Variants in MRTFA observed in about 807,000 individuals in gnomAD.
MRTFA encodes myocardin related transcription factor A.
Under a neutral mutation model 83.5 loss-of-function variants are expected in MRTFA, and 20 were observed. That is an observed-to-expected ratio of 0.24 (90% CI 0.17 to 0.35). The LOEUF is 0.35. Among genes scored for constraint, MRTFA ranks in the 10% least tolerant of loss-of-function variants. The pLI, the probability that MRTFA is intolerant of heterozygous loss-of-function variation, is 1.00. For missense variants in MRTFA, 1,200 were observed against 1,224.7 expected, an observed-to-expected ratio of 0.98 and a Z score of 0.30; for synonymous variants, 659 against 541.2, an observed-to-expected ratio of 1.22 and a Z score of -3.02.
At chr22:40,584,407 A>G (rs1465305540) in intron 2 of MRTFA, among the ~76,000 whole-genome samples, 1 of 152,204 alleles carries the variant, frequency 6.6e-6, no homozygotes, top group Non-Finnish European at 1.5e-5. Context: ...GAGGATTCTG[A>G]GCTGTCTGGC....
chr22:40,628,339 C>G (rs2056603908), intron 1 of MRTFA, among the ~76,000 whole-genome samples: 1 of 152,186 alleles, frequency 6.6e-6, no homozygotes, highest in Admixed American at 6.5e-5. Flanking sequence ...ATATTTTACT[C>G]TGTCATATTA....
chr22:40,564,281 T>C (rs745494464), intron 2 of MRTFA, among the ~76,000 whole-genome samples: 5 of 152,098 alleles, frequency 3.3e-5, no homozygotes, highest in Non-Finnish European at 7.3e-5. Flanking sequence ...AGAAAAATAA[T>C]GGAAATGTCA....
chr22:40,533,604 A>G, intron 3 of MRTFA: 5 of 1,230,250 alleles, frequency 4.1e-6, no homozygotes, highest in Non-Finnish European at 5.1e-6. Flanking sequence ...CTGTACTGCC[A>G]TCATTAACAT....
chr22:40,611,237 C>G lies in MRTFA; in HGVS notation c.-83-16502G>C, dbSNP rs1044376023. On this transcript the variant is annotated intron_variant, in intron 1 of 14. Coordinates refer to ENST00000355630, the MANE Select transcript of MRTFA (RefSeq NM_020831.6). ...TACAGGCGTGAGCCACTGCGCCCAGCCTATTTTTACTTTTTATTTTTAGAG... is the reference window on the plus strand; with the variant it reads ...TACAGGCGTGAGCCACTGCGCCCAGGCTATTTTTACTTTTTATTTTTAGAG... Among the ~76,000 whole-genome samples the G allele has an allele frequency of 7.9e-5, 12 of 152,028 alleles. No homozygotes were observed. In the East Asian group the frequency reaches 2.3e-3, roughly 29 times the overall value.
chr22:40,594,544 T>A (rs2056164410), intron 2 of MRTFA, 130 bp downstream of exon 2: 2 of 150,706 alleles, frequency 1.3e-5, no homozygotes, highest in South Asian at 4.2e-4. Context: ...GCACGATGAG[T>A]GAGACTGAAA....
intron 4 of MRTFA, among the ~76,000 whole-genome samples, chr22:40,441,831 T>TATAC (rs1555969039): frequency 2.0e-3 from 298 of 147,950 alleles, no homozygotes; most frequent in African/African-American, 6.5e-3. Flanking sequence ...TATATATATA[T>TATAC]ACACACACAC....
At chr22:40,599,888 G>A (rs1354941760) in intron 1 of MRTFA, among the ~76,000 whole-genome samples, 1 of 147,058 alleles carries the variant, frequency 6.8e-6, no homozygotes, top group Non-Finnish European at 1.5e-5. Context: ...GACAGAGTGA[G>A]ACACGCTGTG....
At position 40,418,561 on chromosome 22, in the gene MRTFA, T is replaced by G; in HGVS notation, c.2177A>C (p.Glu726Ala). 6.4e-7 allele frequency: 1 copy of G among 1,567,550 alleles called. No individual in the cohort carries two copies. ...CGGCTCGGGCTCAGGCTGCAAGGCT[T>G]CCTGCTTCACCACCACGGACGGGGG... is the stretch of plus-strand genomic sequence containing the variant. The change falls in exon 12 of 15, where the codon GAA (glutamate) becomes GCA (alanine). Residue 726 changes from glutamate (E) to alanine (A), a missense_variant. Glu to Ala is a moderately radical substitution (Grantham distance 107). This residue lies in a region of MRTFA where 1,107 missense variants were observed against 1,041.8 expected (regional missense o/e 1.06). Transcript: ENST00000355630.
At chr22:40,626,500 C>G (rs1035550051) in intron 1 of MRTFA, among the ~76,000 whole-genome samples, 4 of 152,098 alleles carry the variant, frequency 2.6e-5, no homozygotes, top group African/African-American at 9.7e-5. Flanking sequence ...GCCATGTTAT[C>G]TAGGCTGGTC....
intron 3 of MRTFA, among the ~76,000 whole-genome samples, chr22:40,507,203 T>C (rs1433186291): frequency 1.3e-5 from 2 of 151,800 alleles, no homozygotes; most frequent in Non-Finnish European, 2.9e-5. Flanking sequence ...CTACAAAAAA[T>C]ACAAAAAATT....
chr22:40,603,844 C>T (rs1021418413), intron 1 of MRTFA, among the ~76,000 whole-genome samples: 14 of 150,798 alleles, frequency 9.3e-5, no homozygotes, highest in Admixed American at 9.3e-4. Flanking sequence ...AACTCCTGGG[C>T]TCAAGTGATC....
At chr22:40,609,290 C>CAAA (rs56048331) in intron 1 of MRTFA, among the ~76,000 whole-genome samples, 1 of 92,608 alleles carries the variant, frequency 1.1e-5, no homozygotes, top group Non-Finnish European at 2.3e-5. Context: ...GACTCCTTCT[C>CAAA]AAAAAAAAAA....
At chr22:40,518,774 G>A (rs1340961262) in intron 3 of MRTFA, among the ~76,000 whole-genome samples, 5 of 113,416 alleles carry the variant, frequency 4.4e-5, no homozygotes, top group Admixed American at 1.2e-4. Context: ...CAGCCTGGGC[G>A]ACAGAGTGAG....
chr22:40,579,611 A>T (rs962287350), intron 2 of MRTFA, among the ~76,000 whole-genome samples: 1 of 152,044 alleles, frequency 6.6e-6, no homozygotes, highest in Non-Finnish European at 1.5e-5. Flanking sequence ...TGTAATCCCA[A>T]CACTTTAGGA....
intron 4 of MRTFA, among the ~76,000 whole-genome samples, chr22:40,438,245 T>C (rs2053208690): frequency 6.6e-6 from 1 of 152,186 alleles, no homozygotes; most frequent in Non-Finnish European, 1.5e-5. Flanking sequence ...GAAACACCAG[T>C]GAGAGTGCCC....
intron 14 of MRTFA, among the ~76,000 whole-genome samples, chr22:40,414,235 C>T (rs555881520): frequency 8.5e-5 from 13 of 152,174 alleles, no homozygotes; most frequent in Admixed American, 5.9e-4. Flanking sequence ...CCCGGCTACT[C>T]GAGAAGCTGA....
chr22:40,456,046 C>A (rs1429796632), intron 4 of MRTFA, among the ~76,000 whole-genome samples: 1 of 152,000 alleles, frequency 6.6e-6, no homozygotes, highest in Non-Finnish European at 1.5e-5. Context: ...AGGCTGGCCT[C>A]GGCCTCCCAA....
Position 40,440,352 on chromosome 22 carries a change from G to A in MRTFA, c.308-4798C>T, listed in dbSNP as rs543786148. Among the ~76,000 whole-genome samples, 8 of 152,294 alleles carry A rather than the reference G, an allele frequency of 5.3e-5. No individual in the cohort carries two copies. The East Asian group carries it at 1.2e-3, about 22-fold the overall frequency. On this transcript the variant is annotated intron_variant, in intron 4 of 14. Transcript: ENST00000355630. ...CAGATCATTCATTCATCGAGTGGTG[G>A]ACCCCAACCCAGGTCTAGTTCTGCC...
chr22:40,435,140 C>T (rs752989085), intron 5 of MRTFA, among the ~76,000 whole-genome samples: 2 of 152,144 alleles, frequency 1.3e-5, no homozygotes, highest in Non-Finnish European at 2.9e-5. Context: ...TGTTTGTGTC[C>T]CAACATCTAC....
Sources: allele counts gnomAD v4.1 joint callset (sites outside exome capture counted in the v4.1 genomes callset), GRCh38; gene constraint gnomAD v4.1.1; regional missense constraint gnomAD v4.1.1; transcripts MANE v1.5; gene names NCBI Gene and HGNC (gene_info 2026-07-23, HGNC 2026-07-21).